CACHD1: variants seen among roughly 807,000 people sequenced by gnomAD.
The protein encoded by CACHD1 is VWFA and cache domain-containing protein 1.
A neutral mutation model predicts 138.7 loss-of-function variants in CACHD1; 71 were observed. The observed-to-expected ratio is 0.51, with a 90% CI of 0.42 to 0.62. CACHD1 has a LOEUF of 0.62. CACHD1 is among the 20% of genes least tolerant of loss of function. The pLI, the probability that CACHD1 is intolerant of heterozygous loss-of-function variation, is 0.00. For missense variants in CACHD1, 1,389 were observed against 1,625.3 expected (o/e 0.85, Z 2.50); for synonymous variants, 578 against 591.5 (o/e 0.98, Z 0.33).
At chr1:64,653,386 T>TA (rs60661882) in intron 10 of CACHD1, among the ~76,000 whole-genome samples, 2,874 of 108,340 alleles carry the variant, frequency 0.027, 59 homozygotes, top group African/African-American at 0.065. Context: ...TAAAAGAAGT[T>TA]AAAAAAAAAA....
chr1:64,596,241 T>G (rs1557511417), intron 3 of CACHD1, among the ~76,000 whole-genome samples: 2 of 152,234 alleles, frequency 1.3e-5, no homozygotes, highest in Non-Finnish European at 2.9e-5. Context: ...ATTTTTATCT[T>G]AGCTCTTTCT....
At chr1:64,584,284 A>G (rs1027474865) in intron 3 of CACHD1, among the ~76,000 whole-genome samples, 40 of 152,216 alleles carry the variant, frequency 2.6e-4, no homozygotes. Context: ...TATAACATTC[A>G]GGACAGCTCC....
chr1:64,502,356 T>C (rs536002363), intron 1 of CACHD1, among the ~76,000 whole-genome samples: 1 of 152,314 alleles, frequency 6.6e-6, no homozygotes, highest in South Asian at 2.1e-4. Flanking sequence ...ACTGGTTGAG[T>C]TCCCCATTGT....
intron 17 of CACHD1, among the ~76,000 whole-genome samples, chr1:64,672,711 G>A (rs4430373): frequency 0.13 from 19,008 of 152,020 alleles, 1,915 homozygotes; most frequent in East Asian, 0.5. Context: ...CATCCCCTGC[G>A]TGTTGTTATT....
At chr1:64,573,966 TGAG>T (rs2100517786) in intron 2 of CACHD1, among the ~76,000 whole-genome samples, 1 of 152,262 alleles carries the variant, frequency 6.6e-6, no homozygotes, top group African/African-American at 2.4e-5. Flanking sequence ...GGTCTTCAAA[TGAG>T]GTAAGAACAA....
At position 64,692,199 on chromosome 1, in the gene CACHD1, G is replaced by A. The variant is rs1166959676; in HGVS notation, c.*638G>A. 4 of 153,098 alleles carry A rather than the reference G, an allele frequency of 2.6e-5. No homozygotes were observed. Among genetic ancestry groups the A allele is most frequent in the Non-Finnish European group, 4.4e-5 (3 of 68,428 alleles). The allele number at this position is 153,098 out of a possible 1,614,324, so 9.5% of individuals were successfully genotyped here. On this transcript the variant is annotated 3_prime_UTR_variant, in exon 27 of 27. Coordinates refer to ENST00000651257, the MANE Select transcript of CACHD1 (RefSeq NM_020925.4). ...CAGCAGTTGCCCCGAGCTGTTTTGT[G>A]TGTAATGAAGTGGTTCTTTGATTAA...
intron 1 of CACHD1, among the ~76,000 whole-genome samples, chr1:64,540,449 A>C (rs1022804617): frequency 5.9e-5 from 9 of 152,146 alleles, no homozygotes; most frequent in Non-Finnish European, 1.3e-4. Context: ...CATGAATATT[A>C]CTTTTAGTCA....
At chr1:64,554,931 C>A (rs562315755) in intron 2 of CACHD1, among the ~76,000 whole-genome samples, 1 of 152,098 alleles carries the variant, frequency 6.6e-6, no homozygotes, top group Non-Finnish European at 1.5e-5. Context: ...ATTTATGATT[C>A]GTAAATAAGT....
chr1:64,684,345 TTTCTTC>T (rs906556357), intron 26 of CACHD1, among the ~76,000 whole-genome samples: 3 of 149,046 alleles, frequency 2.0e-5, no homozygotes, highest in African/African-American at 5.0e-5. Context: ...TTCTTTGTTT[TTTCTTC>T]TTCTTCTTCT....
intron 26 of CACHD1, among the ~76,000 whole-genome samples, chr1:64,687,477 C>T (rs1267827443): frequency 1.3e-5 from 2 of 152,184 alleles, no homozygotes; most frequent in Non-Finnish European, 2.9e-5. Flanking sequence ...GAAAGCACCT[C>T]TGTTGAGGTT....
intron 2 of CACHD1, among the ~76,000 whole-genome samples, chr1:64,580,452 T>C (rs1570387314): frequency 6.6e-6 from 1 of 152,054 alleles, no homozygotes; most frequent in East Asian, 1.9e-4. Flanking sequence ...AAAATAAAAA[T>C]TGGAAAAGAA....
In CACHD1 at chr1:64,653,743, G is replaced by A. The variant is rs201001957; in HGVS notation, c.1541-15G>A. 81 of 1,602,250 alleles carry A rather than the reference G, an allele frequency of 5.1e-5. No homozygotes were observed. The highest frequency in any genetic ancestry group is 6.6e-5 in the Non-Finnish European group (77 of 1,174,528). ...CATGTTTCTTATTAACATGCATTTT[G>A]TTTTCTTATTGCAGGATATACACTT... On this transcript the variant is annotated splice_polypyrimidine_tract_variant and intron_variant, in intron 10 of 26. Coordinates refer to ENST00000651257, the MANE Select transcript of CACHD1 (RefSeq NM_020925.4).
chr1:64,646,152 C>G (rs753666525), intron 8 of CACHD1, among the ~76,000 whole-genome samples: 4 of 152,104 alleles, frequency 2.6e-5, no homozygotes, highest in Non-Finnish European at 4.4e-5. Context: ...GAGACTCAAG[C>G]AATACATGAC....
intron 2 of CACHD1, among the ~76,000 whole-genome samples, chr1:64,577,060 C>T (rs59489636): frequency 0.15 from 22,093 of 152,014 alleles, 1,700 homozygotes; most frequent in Admixed American, 0.21. Flanking sequence ...CCTCCCGCCT[C>T]AGCCCTCTGG....
chr1:64,514,746 A>G (rs1646446723), intron 1 of CACHD1, among the ~76,000 whole-genome samples: 1 of 152,224 alleles, frequency 6.6e-6, no homozygotes, highest in Admixed American at 6.5e-5. Context: ...TCAAGAATGG[A>G]ACATGCAGTA....
intron 2 of CACHD1, among the ~76,000 whole-genome samples, chr1:64,554,234 A>G (rs371003020): frequency 3.9e-5 from 6 of 152,178 alleles, no homozygotes; most frequent in African/African-American, 1.4e-4. Flanking sequence ...ATTTTTGTTC[A>G]TACCTCCGTA....
rs68180558 is a variant in CACHD1 at position 64,531,495 on chromosome 1, TTGTGTGTGTGTG to T, written c.199-19075_199-19064del. ...AGTTAATGATTTAGAATGAATGTGGTTGTGTGTGTGTGTGTGTGTGTGTGTGTGTGTGTGTCT... is the reference window on the plus strand; with the variant it reads ...AGTTAATGATTTAGAATGAATGTGGTTGTGTGTGTGTGTGTGTGTGTGTCT... On this transcript the variant is annotated intron_variant, in intron 1 of 26. Coordinates refer to ENST00000651257, the MANE Select transcript of CACHD1 (RefSeq NM_020925.4). Among the ~76,000 whole-genome samples the T allele has an allele frequency of 3.5e-4, 52 of 146,882 alleles. 1 individual carries two copies. In the East Asian group the frequency reaches 7.0e-3, roughly 20 times the overall value.
chr1:64,665,182 A>G lies in CACHD1; in HGVS notation c.2276+503A>G, dbSNP rs139919057. ...AGAACAGAAAATCTACCTAGCCTCTAAAACATCTCTACCTGTAACCCTAGC... is the reference window on the plus strand; with the variant it reads ...AGAACAGAAAATCTACCTAGCCTCTGAAACATCTCTACCTGTAACCCTAGC... On this transcript the variant is annotated intron_variant, in intron 15 of 26. Transcript: ENST00000651257. Among the ~76,000 whole-genome samples, 17 of 152,208 alleles carry G rather than the reference A, an allele frequency of 1.1e-4. No individual in the cohort carries two copies. The East Asian group carries it at 3.3e-3, about 29-fold the overall frequency.
chr1:64,649,024 C>T (rs562419832), intron 9 of CACHD1, among the ~76,000 whole-genome samples: 21 of 152,148 alleles, frequency 1.4e-4, no homozygotes, highest in Non-Finnish European at 2.8e-4. Flanking sequence ...GCCAGACAGA[C>T]ACCATTGCCA....
Sources: allele counts gnomAD v4.1 joint callset (sites outside exome capture counted in the v4.1 genomes callset), GRCh38; gene constraint gnomAD v4.1.1; transcripts MANE v1.5; gene names NCBI Gene and HGNC (gene_info 2026-07-23, HGNC 2026-07-21).